Variants in CERS6 observed in about 807,000 individuals in gnomAD.
CERS6 encodes ceramide synthase 6.
CERS6 carries 26 observed loss-of-function variants against 56.8 expected under a neutral mutation model. The observed-to-expected ratio is 0.46, with a 90% confidence interval of 0.34 to 0.63. The LOEUF (loss-of-function observed/expected upper bound fraction) is 0.63, where lower values mean the gene tolerates loss of function less well. CERS6 is among the 30% of genes least tolerant of loss of function. The pLI is 0.01. For missense variants in CERS6, 415 were observed against 467.5 expected (o/e 0.89, Z 1.04); for synonymous variants, 164 against 173.3 (o/e 0.95, Z 0.42).
intron 1 of CERS6, among the ~76,000 whole-genome samples, chr2:168,499,975 G>T (rs184052233): frequency 2.6e-5 from 4 of 152,216 alleles, no homozygotes; most frequent in Admixed American, 2.6e-4. Flanking sequence ...GAACCTTTGT[G>T]CAGGCTGTCA....
intron 1 of CERS6, among the ~76,000 whole-genome samples, chr2:168,538,616 A>G (rs553242764): frequency 1.3e-5 from 2 of 152,180 alleles, no homozygotes; most frequent in Non-Finnish European, 2.9e-5. Context: ...CTGGCATAGC[A>G]TACACTGCTT....
chr2:168,772,402 A>G lies in CERS6; in HGVS notation c.*2740A>G, dbSNP rs1684886934. On this transcript the variant is annotated 3_prime_UTR_variant, in exon 10 of 10. Transcript: ENST00000305747. ...TCAGGTCAATAAATGATATAAAAAC[A>G]TGTGTTCTATTTATGTATATATATG... 6.6e-6 allele frequency: 1 copy of G among 152,488 alleles called. No individual in the cohort carries two copies. The allele number at this position is 152,488 out of a possible 1,614,324, so 9.4% of individuals were successfully genotyped here.
At chr2:168,707,489 T>C (rs1213232853) in intron 6 of CERS6, among the ~76,000 whole-genome samples, 2 of 152,184 alleles carry the variant, frequency 1.3e-5, no homozygotes, top group Non-Finnish European at 2.9e-5. Flanking sequence ...TAAATATTTA[T>C]CTTAGGGTGC....
At chr2:168,588,987 G>T (rs1683611226) in intron 3 of CERS6, among the ~76,000 whole-genome samples, 1 of 152,338 alleles carries the variant, frequency 6.6e-6, no homozygotes. Flanking sequence ...CAGTCTGCCT[G>T]CCTTGGCCTC....
chr2:168,748,186 C>A (rs1055814480), intron 8 of CERS6, among the ~76,000 whole-genome samples: 1 of 152,154 alleles, frequency 6.6e-6, no homozygotes, highest in African/African-American at 2.4e-5. Flanking sequence ...ATTTCCTCTC[C>A]AATTTAAGGT....
intron 2 of CERS6, among the ~76,000 whole-genome samples, chr2:168,550,496 C>T (rs542879692): frequency 3.9e-5 from 6 of 152,160 alleles, no homozygotes; most frequent in South Asian, 2.1e-4. Context: ...TTTTATTTGT[C>T]GTGTAATGTC....
chr2:168,753,901 A>C (rs188977141), intron 8 of CERS6, among the ~76,000 whole-genome samples: 53 of 152,280 alleles, frequency 3.5e-4, no homozygotes, highest in Non-Finnish European at 6.9e-4. Context: ...GTAAAACACT[A>C]TCTCTTATCC....
At chr2:168,489,242 T>A (rs1694326435) in intron 1 of CERS6, among the ~76,000 whole-genome samples, 1 of 152,210 alleles carries the variant, frequency 6.6e-6, no homozygotes, top group Non-Finnish European at 1.5e-5. Context: ...TCTTGCCTGC[T>A]TGGTTTATGA....
chr2:168,772,696 T>G lies in CERS6; in HGVS notation c.*3034T>G, dbSNP rs1275668501. On this transcript the variant is annotated 3_prime_UTR_variant, in exon 10 of 10. Coordinates refer to ENST00000305747, the MANE Select transcript of CERS6 (RefSeq NM_203463.3). ...ACCTTTCCAAATTTGGTCCTATGGA[T>G]GTTGAGCATAGGGAAGCAACTCTCA... 2.0e-5 allele frequency: 3 copies of G among 152,648 alleles called. No homozygotes were observed. Among genetic ancestry groups the G allele is most frequent in the Non-Finnish European group, 4.4e-5 (3 of 68,050 alleles). 9.5% of individuals were successfully genotyped at this position (152,648 alleles called of 1,614,324 possible).
chr2:168,508,484 C>T (rs2105349120), intron 1 of CERS6, among the ~76,000 whole-genome samples: 1 of 152,242 alleles, frequency 6.6e-6, no homozygotes, highest in Non-Finnish European at 1.5e-5. Context: ...ATCTTCCATC[C>T]TTTATTAAGC....
At chr2:168,763,201 C>G (rs184402415) in intron 8 of CERS6, among the ~76,000 whole-genome samples, 3 of 148,666 alleles carry the variant, frequency 2.0e-5, no homozygotes, top group Admixed American at 1.3e-4. Context: ...TTCTTTATCT[C>G]TTATTCCAGC....
chr2:168,484,231 A>G (rs6433068), intron 1 of CERS6, among the ~76,000 whole-genome samples: 6,029 of 127,984 alleles, frequency 0.047, 268 homozygotes, highest in African/African-American at 0.12. Flanking sequence ...GCCCAGGCTA[A>G]AGGACAATGG....
intron 8 of CERS6, among the ~76,000 whole-genome samples, chr2:168,755,388 C>A (rs987651586): frequency 7.2e-5 from 11 of 152,146 alleles, no homozygotes; most frequent in Non-Finnish European, 1.3e-4. Flanking sequence ...TTCTAGTCAT[C>A]TCTAGGGATC....
intron 3 of CERS6, among the ~76,000 whole-genome samples, chr2:168,586,924 A>C (rs993917946): frequency 6.6e-6 from 1 of 152,164 alleles, no homozygotes; most frequent in African/African-American, 2.4e-5. Flanking sequence ...TAATTCCAAC[A>C]CTTTGGGATG....
At chr2:168,559,111 A>G (rs982871898) in intron 2 of CERS6, among the ~76,000 whole-genome samples, 6 of 152,112 alleles carry the variant, frequency 3.9e-5, no homozygotes, top group African/African-American at 7.2e-5. Flanking sequence ...GGTGTAGCCA[A>G]GGTATATTGT....
chr2:168,590,118 A>G (rs994908453), intron 3 of CERS6, among the ~76,000 whole-genome samples: 1 of 152,212 alleles, frequency 6.6e-6, no homozygotes, highest in East Asian at 1.9e-4. Flanking sequence ...GGAACCCAAC[A>G]TATCAGCTAG....
chr2:168,479,222 ACT>A (rs1221824750), intron 1 of CERS6, among the ~76,000 whole-genome samples: 2 of 151,756 alleles, frequency 1.3e-5, no homozygotes, highest in African/African-American at 2.4e-5. Flanking sequence ...AGAGTTTAAA[ACT>A]CTGAGTTAAA....
intron 8 of CERS6, among the ~76,000 whole-genome samples, chr2:168,744,127 T>C (rs1684021330): frequency 6.7e-6 from 1 of 149,526 alleles, no homozygotes; most frequent in East Asian, 2.0e-4. Context: ...TGCCTCAGCC[T>C]CCTGAGTAGC....
intron 3 of CERS6, among the ~76,000 whole-genome samples, chr2:168,601,556 CT>C (rs921302488): frequency 1.3e-3 from 192 of 143,900 alleles, no homozygotes; most frequent in Admixed American, 1.6e-3. Flanking sequence ...TTGGCCTTAT[CT>C]TTTTTTTTTT....
Sources: gnomAD v4.1 joint callset for allele counts (sites outside exome capture counted in the v4.1 genomes callset) on GRCh38, gnomAD v4.1.1 for gene constraint, MANE v1.5 for transcripts, NCBI Gene and HGNC (gene_info 2026-07-23, HGNC 2026-07-21) for gene names.